PDE1A: variants seen among roughly 807,000 people sequenced by gnomAD.
The protein encoded by PDE1A is dual specificity calcium/calmodulin-dependent 3',5'-cyclic nucleotide phosphodiesterase 1A.
In PDE1A, 35 loss-of-function variants were observed where a neutral mutation model predicts 61.7. The ratio of observed to expected loss-of-function variants is 0.57; its 90% CI spans 0.43 to 0.75. The LOEUF (loss-of-function observed/expected upper bound fraction) is 0.75. Among genes scored for constraint, PDE1A ranks in the 30% least tolerant of loss-of-function variants. The pLI, the probability that PDE1A is intolerant of heterozygous loss-of-function variation, is 0.00. For synonymous variants in PDE1A, 232 were observed against 213.2 expected (o/e 1.09, Z -0.77); for missense variants, 597 against 630.6 (o/e 0.95, Z 0.57).
intron 1 of PDE1A, among the ~76,000 whole-genome samples, chr2:182,385,741 C>T (rs1402792673): frequency 4.2e-5 from 5 of 118,952 alleles, no homozygotes; most frequent in South Asian, 3.0e-4. Flanking sequence ...CCTCCTCTCC[C>T]TCTCCCTCCT....
At chr2:182,673,191 A>G in the PDE1A span, among the ~76,000 whole-genome samples, 2 of 152,232 alleles carry the variant, frequency 1.3e-5, no homozygotes, top group Non-Finnish European at 2.9e-5. Context: ...CTAAGCCACT[A>G]TGGTGACTTC....
Position 182,236,766 on chromosome 2 carries a change from A to G in PDE1A, c.351-2268T>C, listed in dbSNP as rs1024441914. Among the ~76,000 whole-genome samples the G allele has an allele frequency of 1.1e-3, 175 of 152,332 alleles. 1 individual carries two copies. Among genetic ancestry groups the G allele is most frequent in the African/African-American group, 4.2e-3 (174 of 41,566 alleles). ...ATGTCTTTAGAGCTCTCTGGCCTCA[A>G]TGGGACCTCTGATGCTACTGAGTTT... is the stretch of plus-strand genomic sequence containing the variant. On this transcript the variant is annotated intron_variant, in intron 3 of 13. Coordinates refer to ENST00000351439, the Ensembl canonical transcript of PDE1A.
intron 1 of PDE1A, among the ~76,000 whole-genome samples, chr2:182,325,496 ATC>A (rs1194144044): frequency 6.6e-6 from 1 of 152,188 alleles, no homozygotes; most frequent in East Asian, 1.9e-4. Context: ...AAACTTGTAC[ATC>A]AAAGGAGACT....
chr2:182,705,337 G>A, the PDE1A span, among the ~76,000 whole-genome samples: 1 of 152,160 alleles, frequency 6.6e-6, no homozygotes, highest in Non-Finnish European at 1.5e-5. Context: ...AAGGAGACAA[G>A]CATAGTGACA....
intron 1 of PDE1A, among the ~76,000 whole-genome samples, chr2:182,322,691 G>C (rs1696773737): frequency 6.6e-6 from 1 of 152,132 alleles, no homozygotes; most frequent in Non-Finnish European, 1.5e-5. Flanking sequence ...TTCACCAATA[G>C]TTTTTATTTT....
chr2:182,281,632 C>T (rs1357520286), intron 1 of PDE1A, among the ~76,000 whole-genome samples: 1 of 151,986 alleles, frequency 6.6e-6, no homozygotes, highest in East Asian at 1.9e-4. Context: ...CGTGCTTTTA[C>T]AGCCAGAAGA....
At chr2:182,682,557 A>G in the PDE1A span, among the ~76,000 whole-genome samples, 1 of 152,172 alleles carries the variant, frequency 6.6e-6, no homozygotes, top group Non-Finnish European at 1.5e-5. Context: ...TAAGACAATT[A>G]TAACTTTCTC....
At chr2:182,521,829 C>T (rs1331661444) in intron 2 of PDE1A, among the ~76,000 whole-genome samples, 1 of 152,064 alleles carries the variant, frequency 6.6e-6, no homozygotes, top group South Asian at 2.1e-4. Flanking sequence ...AAAAGAAGCA[C>T]AATAAAGTAT....
chr2:182,185,402 T>C (rs1685121871), intron 13 of PDE1A, among the ~76,000 whole-genome samples: 1 of 152,206 alleles, frequency 6.6e-6, no homozygotes, highest in Non-Finnish European at 1.5e-5. Flanking sequence ...TCCCATGCGA[T>C]TGCTGTGGTG....
the PDE1A span, among the ~76,000 whole-genome samples, chr2:182,531,172 TA>T: frequency 6.6e-4 from 98 of 149,498 alleles, no homozygotes; most frequent in African/African-American, 2.2e-3. Flanking sequence ...AATAAAATTC[TA>T]AAAAAAAAGT....
intron 1 of PDE1A, among the ~76,000 whole-genome samples, chr2:182,415,041 T>C (rs554984528): frequency 6.6e-6 from 1 of 152,134 alleles, no homozygotes; most frequent in Non-Finnish European, 1.5e-5. Context: ...AGATTATTAT[T>C]GAAGTAAACA....
At chr2:182,667,681 T>A in the PDE1A span, among the ~76,000 whole-genome samples, 1 of 152,304 alleles carries the variant, frequency 6.6e-6, no homozygotes, top group Non-Finnish European at 1.5e-5. Flanking sequence ...GACCAGATTG[T>A]AAATATTTTA....
chr2:182,201,459 T>A, exon 10 of PDE1A: 2 of 1,613,842 alleles, frequency 1.2e-6, no homozygotes, highest in Non-Finnish European at 1.7e-6. Context: ...AACTCCTCCA[T>A]TAGGGCCATG....
At chr2:182,201,816 T>C (rs1686681847) in intron 8 of PDE1A, 27 bp from the exon 9 acceptor site, 3 of 1,407,370 alleles carry the variant, frequency 2.1e-6, no homozygotes, top group South Asian at 1.2e-5. Context: ...AGGAGAAAGG[T>C]TCATTCAGCC....
At chr2:182,701,123 C>T in the PDE1A span, among the ~76,000 whole-genome samples, 1 of 152,026 alleles carries the variant, frequency 6.6e-6, no homozygotes, top group Non-Finnish European at 1.5e-5. Flanking sequence ...CAAGCTATGC[C>T]TCCCAGGTTC....
At chr2:182,621,065 G>A in the PDE1A span, among the ~76,000 whole-genome samples, 1 of 152,058 alleles carries the variant, frequency 6.6e-6, no homozygotes, top group Non-Finnish European at 1.5e-5. Context: ...ATTATCTCTG[G>A]AAGGTTCTCT....
chr2:182,361,298 G>A (rs566276255), intron 1 of PDE1A, among the ~76,000 whole-genome samples: 1 of 152,128 alleles, frequency 6.6e-6, no homozygotes, highest in Admixed American at 6.6e-5. Context: ...AAGGTATTTG[G>A]GGTATCCATA....
the PDE1A span, among the ~76,000 whole-genome samples, chr2:182,541,325 T>C: frequency 1.3e-5 from 2 of 152,190 alleles, no homozygotes; most frequent in African/African-American, 4.8e-5. Flanking sequence ...ACACTTAAGC[T>C]CTCTATATTC....
intron 1 of PDE1A, among the ~76,000 whole-genome samples, chr2:182,333,170 A>G (rs1697540355): frequency 6.6e-6 from 1 of 152,162 alleles, no homozygotes; most frequent in Admixed American, 6.5e-5. Flanking sequence ...AGACAGATCA[A>G]CGAGACAGAA....
Sources: allele counts gnomAD v4.1 joint callset (sites outside exome capture counted in the v4.1 genomes callset), GRCh38; gene constraint gnomAD v4.1.1; transcripts MANE v1.5; gene names NCBI Gene and HGNC (gene_info 2026-07-23, HGNC 2026-07-21).